The following LMBR1L variants were observed in gnomAD, a reference collection of about 807,000 sequenced individuals.
LMBR1L encodes the protein limb development membrane protein 1 like.
In LMBR1L, 47 loss-of-function variants were observed where a neutral mutation model predicts 67.3. The ratio of observed to expected loss-of-function variants is 0.70; its 90% confidence interval spans 0.55 to 0.89. LMBR1L has a LOEUF of 0.89. Ranked by LOEUF, LMBR1L falls within the 40% of genes least tolerant of loss-of-function variation. The pLI is 0.00. For missense variants in LMBR1L, 533 were observed against 599.2 expected (o/e 0.89, Z 1.15); for synonymous variants, 247 against 250.3 (o/e 0.99, Z 0.13).
chr12:49,106,201 C>T, intron 2 of LMBR1L: 2 of 548,558 alleles, frequency 3.6e-6, no homozygotes, highest in Non-Finnish European at 6.5e-6. Context: ...TACTTCTTTA[C>T]TCCTCCCTAG....
Position 49,102,304 on chromosome 12 carries a change from C to T in LMBR1L, c.842G>A (p.Arg281Lys). The change falls in exon 10 of 17, where the codon AGG (arginine) becomes AAG (lysine). Residue 281 changes from arginine to lysine, a missense_variant. Transcript: ENST00000267102. ...ACGAAGCCACATACCCAGCAGGACC[C>T]TCTGTGTCTGCAGAGCCAGGACCTG... ...HRQVLALQTQ[R>K]VLLEKRRKAS... The T allele has an allele frequency of 6.2e-7, 1 of 1,614,224 alleles. No individual in the cohort carries two copies. The highest frequency in any genetic ancestry group is 8.5e-7 in the Non-Finnish European group (1 of 1,180,002).
intron 3 of LMBR1L, 193 bp from the exon 4 acceptor site, chr12:49,105,078 C>A: frequency 1.7e-6 from 1 of 604,186 alleles, no homozygotes; most frequent in Non-Finnish European, 2.9e-6. Flanking sequence ...CCAGGGAAGC[C>A]CCAGCTCATG....
At chr12:49,106,276 T>C (rs1431906221) in intron 2 of LMBR1L, 1 of 410,962 alleles carries the variant, frequency 2.4e-6, no homozygotes, top group Non-Finnish European at 4.6e-6. Context: ...AACTAGTCTG[T>C]GAGGTTGGTT....
chr12:49,109,943 T>C (rs1299914236), intron 1 of LMBR1L: 4 of 425,762 alleles, frequency 9.4e-6, no homozygotes, highest in Non-Finnish European at 9.4e-6. Flanking sequence ...ACTTGGTTGT[T>C]CCTCATCTCT....
Position 49,101,301 on chromosome 12 carries a change from G to T in LMBR1L, c.1031C>A (p.Ser344Tyr). 1 of 1,614,174 alleles carries T rather than the reference G, an allele frequency of 6.2e-7. No individual in the cohort carries two copies. The highest frequency in any genetic ancestry group is 1.1e-5 in the South Asian group (1 of 91,084). The change falls in exon 13 of 17, where the codon TCC becomes TAC. Residue 344 changes from serine to tyrosine, a missense_variant. Ser to Tyr is a moderately radical substitution (Grantham distance 144). Around this residue, in one of 3 missense-constraint regions of LMBR1L, gnomAD observed 223 missense variants for 241.2 expected, o/e 0.92. Transcript: ENST00000267102. ...GMQGTSLGQVSFSKLGSFGAV... is the reference protein window; with the variant it reads ...GMQGTSLGQVYFSKLGSFGAV... ...ACCAAAGGAGCCCAGCTTGGAGAAGGAGACCTGGCCTAAGGAGGTACCCTG... is the reference window on the plus strand; with the variant it reads ...ACCAAAGGAGCCCAGCTTGGAGAAGTAGACCTGGCCTAAGGAGGTACCCTG...
intron 16 of LMBR1L, 27 bp downstream of exon 16, chr12:49,097,917 C>A (rs889464610): frequency 6.2e-7 from 1 of 1,601,152 alleles, no homozygotes; most frequent in Non-Finnish European, 8.5e-7. Flanking sequence ...CCACCCCCCA[C>A]TAGCCTGCAC....
Position 49,098,110 on chromosome 12 carries a change from A to C in LMBR1L, c.1241-5T>G. On this transcript the variant is annotated splice_polypyrimidine_tract_variant and splice_region_variant and intron_variant, in intron 15 of 16. Transcript: ENST00000267102. Reference sequence around the variant, plus strand: ...GCAGGTCAAAGCGAGTGAGCCCTGAAGCACAAAGGCCAGGATGAGAGGTGG... The same window carrying C: ...GCAGGTCAAAGCGAGTGAGCCCTGACGCACAAAGGCCAGGATGAGAGGTGG... 6.2e-7 allele frequency: 1 copy of C among 1,611,526 alleles called. No homozygotes were observed. The highest frequency in any genetic ancestry group is 1.1e-5 in the South Asian group (1 of 90,990).
chr12:49,110,194 G>C, intron 1 of LMBR1L: 1 of 535,212 alleles, frequency 1.9e-6, no homozygotes, highest in Non-Finnish European at 3.4e-6. Flanking sequence ...TCAGACCCCG[G>C]AGACCCCCAA....
chr12:49,103,731 G>A lies in LMBR1L; in HGVS notation c.518C>T (p.Ser173Leu). 6.2e-7 allele frequency: 1 copy of A among 1,614,098 alleles called. No homozygotes were observed. The highest frequency in any genetic ancestry group is 8.5e-7 in the Non-Finnish European group (1 of 1,180,000). The change falls in exon 6 of 17, where the codon TCA becomes TTA. Residue 173 changes from serine (S) to leucine (L), a missense_variant. Around this residue, in one of 3 missense-constraint regions of LMBR1L, gnomAD observed 246 missense variants for 249.0 expected, o/e 0.99. Coordinates refer to ENST00000267102, the MANE Select transcript of LMBR1L (RefSeq NM_018113.4). ...GGCCTTGTTCTTGTCCACAATGGCT[G>A]ATGCCACCCACACCATACCTAGCAC... The part of the protein sequence containing the change: ...LLVLGMVWVA[S>L]AIVDKNKANR...
At chr12:49,100,531 G>A (rs1241003872) in intron 14 of LMBR1L, 25 bp downstream of exon 14, 1 of 1,611,970 alleles carries the variant, frequency 6.2e-7, no homozygotes, top group South Asian at 1.1e-5. Context: ...CCCCCCGGGA[G>A]CTTCCCTTAC....
At position 49,106,955 on chromosome 12, in the gene LMBR1L, A is replaced by G; in HGVS notation, c.157+6T>C. The G allele has an allele frequency of 6.2e-7, 1 of 1,601,858 alleles. No individual in the cohort carries two copies. ...ACTCTAGCAGGAGGGAGGGAAATCAAAGTACCTGTGGTGAACTCAGCAGGC... is the reference window on the plus strand; with the variant it reads ...ACTCTAGCAGGAGGGAGGGAAATCAGAGTACCTGTGGTGAACTCAGCAGGC... On this transcript the variant is annotated splice_donor_region_variant and intron_variant, in intron 2 of 16. Transcript: ENST00000267102.
At chr12:49,100,316 T>C in intron 15 of LMBR1L, 72 bp downstream of exon 15, 2 of 1,160,028 alleles carry the variant, frequency 1.7e-6, no homozygotes, top group Non-Finnish European at 2.6e-6. Context: ...ATTATGTATA[T>C]AAAGTGCCTG....
At chr12:49,100,687 T>A in intron 13 of LMBR1L, 41 bp from the exon 14 acceptor site, 1 of 1,430,538 alleles carries the variant, frequency 7.0e-7, no homozygotes, top group Non-Finnish European at 9.8e-7. Flanking sequence ...CTCCAAGAAT[T>A]AATAACTCAT....
chr12:49,100,489 G>A, intron 14 of LMBR1L, 35 bp from the exon 15 acceptor site: 1 of 1,609,176 alleles, frequency 6.2e-7, no homozygotes, highest in Non-Finnish European at 8.5e-7. Flanking sequence ...GGTGAGGGTG[G>A]AAGAGCTGCA....
chr12:49,106,616 C>T lies in LMBR1L; in HGVS notation c.157+345G>A, dbSNP rs12318558. 3.1e-3 allele frequency: 4,082 copies of T among 1,335,068 alleles called. 91 individuals are homozygous for T. In the African/African-American group the frequency reaches 0.053, roughly 17 times the overall value. The allele number at this position is 1,335,068 out of a possible 1,614,324, so 82.7% of individuals were successfully genotyped here. A position where few individuals can be genotyped will look rare whatever the true frequency, so the allele number is the denominator to read the frequency against. On this transcript the variant is annotated intron_variant, in intron 2 of 16. Coordinates refer to ENST00000267102, the MANE Select transcript of LMBR1L (RefSeq NM_018113.4). The stretch of plus-strand genomic sequence containing the variant: ...CACTAGGAGAGGAGATGACACAGAG[C>T]CTGTGCCCGTAATGACATTCATCCA...
intron 1 of LMBR1L, among the ~76,000 whole-genome samples, chr12:49,107,625 A>G (rs1192436547): frequency 6.6e-6 from 1 of 152,232 alleles, no homozygotes; most frequent in African/African-American, 2.4e-5. Flanking sequence ...CTCTGGGCCA[A>G]ACCAGAGTCT....
intron 13 of LMBR1L, 64 bp from the exon 14 acceptor site, chr12:49,100,710 A>G (rs1306064899): frequency 1.6e-6 from 2 of 1,220,928 alleles, no homozygotes; most frequent in African/African-American, 3.1e-5. Flanking sequence ...CAAAGGGAAC[A>G]GAGCTCTCTC....
chr12:49,098,783 G>A (rs1233988040), intron 15 of LMBR1L, among the ~76,000 whole-genome samples: 2 of 152,042 alleles, frequency 1.3e-5, no homozygotes, highest in South Asian at 2.1e-4. Context: ...ATAATATAAC[G>A]TTAAGAATGA....
At chr12:49,107,243 G>C (rs1196833952) in intron 1 of LMBR1L, among the ~76,000 whole-genome samples, 198 bp from the exon 2 acceptor site, 2 of 152,226 alleles carry the variant, frequency 1.3e-5, no homozygotes, top group Non-Finnish European at 2.9e-5. Context: ...CCTCAAAGAA[G>C]GGCCAGACAG....
Sources: gnomAD v4.1 joint callset for allele counts (sites outside exome capture counted in the v4.1 genomes callset) on GRCh38, gnomAD v4.1.1 for gene constraint, gnomAD v4.1.1 regional missense constraint, MANE v1.5 for transcripts, NCBI Gene and HGNC (gene_info 2026-07-23, HGNC 2026-07-21) for gene names.